GYPC: variants seen among roughly 807,000 people sequenced by gnomAD.
GYPC encodes the protein glycophorin-C.
GYPC carries 14 observed loss-of-function variants against 12.6 expected under a neutral mutation model. The observed-to-expected ratio is 1.11, with a 90% confidence interval of 0.74 to 1.74. The LOEUF is 1.74. Among genes scored for constraint, GYPC ranks in the 40% most tolerant of loss-of-function variants. The probability of loss-of-function intolerance (pLI) is 0.00; values close to 1 mark genes in which losing one functional copy is unlikely to be tolerated. For synonymous variants in GYPC, 78 were observed against 62.1 expected, an observed-to-expected ratio of 1.26 and a Z score of -1.20; for missense variants, 225 against 172.1, an observed-to-expected ratio of 1.31 and a Z score of -1.72.
rs369371519 is a variant in GYPC at position 126,656,325 on chromosome 2, C to T, written c.49+13C>T. 18 of 1,588,126 alleles carry T rather than the reference C, an allele frequency of 1.1e-5. No individual in the cohort carries two copies. The highest frequency in any genetic ancestry group is 2.7e-5 in the African/African-American group (2 of 74,086). ...CCTCTCAGCCTCGGTGAGTACCCGC[C>T]GTGGGGAAGGGTCCTGGGGACCCAC... is the stretch of plus-strand genomic sequence containing the variant. On this transcript the variant is annotated intron_variant, in intron 1 of 3. Coordinates refer to ENST00000259254, the MANE Select transcript of GYPC (RefSeq NM_002101.5).
In GYPC at chr2:126,695,963, G is replaced by A. The variant is rs752952995; in HGVS notation, c.208G>A (p.Ala70Thr). The A allele has an allele frequency of 3.7e-6, 6 of 1,613,992 alleles. No homozygotes were observed. Among genetic ancestry groups the A allele is most frequent in the Non-Finnish European group, 5.1e-6 (6 of 1,179,950 alleles). ...VVIAGVIAAV[A>T]IVLVSLLFVM... ...ACCTGCAGGTGTGATTGCTGCTGTG[G>A]CCATCGTCCTAGTCTCCCTCCTCTT... is the stretch of plus-strand genomic sequence containing the variant. The change falls in exon 4 of 4, where the codon GCC (alanine) becomes ACC (threonine). Residue 70 changes from alanine to threonine, a missense_variant. Transcript: ENST00000259254.
intron 1 of GYPC, among the ~76,000 whole-genome samples, chr2:126,656,953 C>T (rs963782352): frequency 6.6e-6 from 1 of 152,252 alleles, no homozygotes; most frequent in South Asian, 2.1e-4. Context: ...GGGCCTCTCT[C>T]TGCCCTCTTC....
At chr2:126,692,220 G>A (rs1683492120) in intron 2 of GYPC, among the ~76,000 whole-genome samples, 4 of 152,132 alleles carry the variant, frequency 2.6e-5, no homozygotes, top group South Asian at 2.1e-4. Context: ...CCCAGATCCT[G>A]AGCCAGTGTT....
At chr2:126,689,090 G>A (rs1683376479) in intron 1 of GYPC, among the ~76,000 whole-genome samples, 1 of 152,196 alleles carries the variant, frequency 6.6e-6, no homozygotes, top group Non-Finnish European at 1.5e-5. Flanking sequence ...AGGCCATTAA[G>A]CTGTGAAAAA....
chr2:126,690,683 A>G (rs1021463150), intron 2 of GYPC, among the ~76,000 whole-genome samples: 1 of 152,116 alleles, frequency 6.6e-6, no homozygotes, highest in Admixed American at 6.6e-5. Context: ...TGACCAGGCT[A>G]CTTAGACTTC....
Position 126,696,026 on chromosome 2 carries a change from T to TACCAC in GYPC, c.276_280dup (p.Asn94ThrfsTer46). On this transcript the variant is annotated frameshift_variant, in exon 4 of 4. Coordinates refer to ENST00000259254, the MANE Select transcript of GYPC (RefSeq NM_002101.5). LOFTEE classifies it high-confidence loss of function. Reference sequence around the variant, plus strand: ...CTACATGTACCGGCACAAGGGCACGTACCACACCAATGAGGCCAAGGGCAC... The same window carrying TACCAC: ...CTACATGTACCGGCACAAGGGCACGTACCACACCACACCAATGAGGCCAAGGGCAC... 1 of 1,614,134 alleles carries TACCAC rather than the reference T, an allele frequency of 6.2e-7. No individual in the cohort carries two copies. Among genetic ancestry groups the TACCAC allele is most frequent in the Non-Finnish European group, 8.5e-7 (1 of 1,179,962 alleles).
At chr2:126,675,645 C>CT (rs1233813856) in intron 1 of GYPC, 7 of 980,944 alleles carry the variant, frequency 7.1e-6, no homozygotes, top group African/African-American at 3.5e-5. Context: ...ATCCCCTTCT[C>CT]TATGACCTCT....
chr2:126,674,483 C>T (rs565804333), intron 1 of GYPC, among the ~76,000 whole-genome samples: 1 of 152,032 alleles, frequency 6.6e-6, no homozygotes, highest in African/African-American at 2.4e-5. Flanking sequence ...TCGGCAAGGC[C>T]GCGGGTGGAG....
chr2:126,663,519 C>T (rs1682596682), intron 1 of GYPC, among the ~76,000 whole-genome samples: 1 of 152,232 alleles, frequency 6.6e-6, no homozygotes, highest in Non-Finnish European at 1.5e-5. Flanking sequence ...CATCGGGGCA[C>T]CAGCCCCTCA....
At chr2:126,689,747 C>T (rs147923916) in intron 1 of GYPC, among the ~76,000 whole-genome samples, 2,007 of 152,264 alleles carry the variant, frequency 0.013, 42 homozygotes, top group African/African-American at 0.045. Context: ...GAGGCCCTCA[C>T]CAGATGCAGC....
At chr2:126,688,448 G>A (rs1271992196) in intron 1 of GYPC, among the ~76,000 whole-genome samples, 1 of 152,198 alleles carries the variant, frequency 6.6e-6, no homozygotes, top group Non-Finnish European at 1.5e-5. Flanking sequence ...TACCTACTAT[G>A]AGCTAGATAC....
At chr2:126,660,265 C>A (rs1682500192) in intron 1 of GYPC, among the ~76,000 whole-genome samples, 1 of 152,224 alleles carries the variant, frequency 6.6e-6, no homozygotes, top group Non-Finnish European at 1.5e-5. Flanking sequence ...ACCGTTGTGT[C>A]CATGCTGTGC....
intron 2 of GYPC, among the ~76,000 whole-genome samples, chr2:126,690,805 C>T (rs386189): frequency 5.9e-5 from 9 of 151,860 alleles, no homozygotes; most frequent in African/African-American, 1.7e-4. Flanking sequence ...CCCTGAGCAA[C>T]GGGCTCCCCA....
chr2:126,693,724 GT>G, intron 2 of GYPC, 139 bp from the exon 3 acceptor site: 1 of 730,392 alleles, frequency 1.4e-6, no homozygotes, highest in Non-Finnish European at 2.6e-6. Context: ...GGAGCAGTGG[GT>G]GCGCCGCACT....
In GYPC at chr2:126,692,522, T is replaced by C. The variant is rs1184654996; in HGVS notation, c.107-1342T>C. On this transcript the variant is annotated intron_variant, in intron 2 of 3. Transcript: ENST00000259254. ...AAGCATCCTTCTCTGTTTTATTATG[T>C]AGAGCCATTGTAATGGGAACGTGGG... 1.2e-4 allele frequency among the ~76,000 whole-genome samples: 18 copies of C among 152,316 alleles called. No individual in the cohort carries two copies. In the East Asian group the frequency reaches 3.5e-3, roughly 29 times the overall value.
At chr2:126,661,809 G>A (rs1682543991) in intron 1 of GYPC, among the ~76,000 whole-genome samples, 2 of 152,188 alleles carry the variant, frequency 1.3e-5, no homozygotes, top group Non-Finnish European at 2.9e-5. Context: ...CACTGCTTGG[G>A]GCCCAGCAGG....
chr2:126,695,098 G>A (rs562130011), intron 3 of GYPC, among the ~76,000 whole-genome samples: 28 of 152,174 alleles, frequency 1.8e-4, no homozygotes, highest in Non-Finnish European at 3.4e-4. Flanking sequence ...GAGGGAATGG[G>A]AGCAGGGTAG....
At chr2:126,681,778 CAAAAA>C (rs55636033) in intron 1 of GYPC, among the ~76,000 whole-genome samples, 6 of 132,334 alleles carry the variant, frequency 4.5e-5, no homozygotes, top group South Asian at 4.8e-4. Context: ...AAACTTCATC[CAAAAA>C]AAAAAAAAAA....
chr2:126,696,171 C>T lies in GYPC; in HGVS notation c.*29C>T. The T allele has an allele frequency of 6.6e-7, 1 of 1,513,680 alleles. No individual in the cohort carries two copies. The highest frequency in any genetic ancestry group is 1.1e-5 in the South Asian group (1 of 88,862). 93.8% of individuals were successfully genotyped at this position (1,513,680 alleles called of 1,614,324 possible). Reference sequence around the variant, plus strand: ...ACAACAGACTTCACTTCCCTGAATGCCTCCCCCATCTCCATCAGGAAAAAT... The same window carrying T: ...ACAACAGACTTCACTTCCCTGAATGTCTCCCCCATCTCCATCAGGAAAAAT... On this transcript the variant is annotated 3_prime_UTR_variant, in exon 4 of 4. Transcript: ENST00000259254.
Sources: allele counts gnomAD v4.1 joint callset (sites outside exome capture counted in the v4.1 genomes callset), GRCh38; gene constraint gnomAD v4.1.1; transcripts MANE v1.5; gene names NCBI Gene and HGNC (gene_info 2026-07-23, HGNC 2026-07-21).